CR1L: variants seen among roughly 807,000 people sequenced by gnomAD.
The protein encoded by CR1L is complement C3b/C4b receptor 1 like.
Under a neutral mutation model 62.3 loss-of-function variants are expected in CR1L, and 59 were observed. The ratio of observed to expected loss-of-function variants is 0.95; its 90% CI spans 0.77 to 1.18. CR1L has a LOEUF of 1.18. Ranked by LOEUF, CR1L falls within the 50% of genes most tolerant of loss-of-function variation. The probability of loss-of-function intolerance (pLI) is 0.00; values close to 1 mark genes in which losing one functional copy is unlikely to be tolerated. For missense variants in CR1L, 700 were observed against 702.8 expected (o/e 1.00, Z 0.04); for synonymous variants, 279 against 248.7 (o/e 1.12, Z -1.15).
At chr1:207,655,991 C>T (rs1016319977) in intron 1 of CR1L, among the ~76,000 whole-genome samples, 1 of 152,152 alleles carries the variant, frequency 6.6e-6, no homozygotes, top group Non-Finnish European at 1.5e-5. Context: ...GTAATCCCAG[C>T]TCTTTGGGAG....
chr1:207,709,282 T>G (rs1664316334), intron 10 of CR1L: 1 of 157,500 alleles, frequency 6.3e-6, no homozygotes, highest in Non-Finnish European at 1.4e-5. Context: ...CACACGCCTG[T>G]AGTCCCAACT....
chr1:207,651,255 G>C (rs959971405), intron 1 of CR1L, among the ~76,000 whole-genome samples: 1 of 149,198 alleles, frequency 6.7e-6, no homozygotes, highest in African/African-American at 2.5e-5. Flanking sequence ...GTTTTTCTGG[G>C]GGTAGGCATG....
intron 10 of CR1L, chr1:207,709,117 T>C (rs1320297440): frequency 4.0e-5 from 9 of 226,660 alleles, no homozygotes; most frequent in Admixed American, 5.3e-5. Flanking sequence ...AAAGATGTTA[T>C]ACTGGGCCAG....
Position 207,694,502 on chromosome 1 carries a change from A to G in CR1L, c.613A>G (p.Ile205Val). 1 of 1,613,802 alleles carries G rather than the reference A, an allele frequency of 6.2e-7. No individual in the cohort carries two copies. Among genetic ancestry groups the G allele is most frequent in the East Asian group, 2.2e-5 (1 of 44,890 alleles). Residue 205 changes from isoleucine to valine, a missense_variant, in exon 5 of 12, where the codon ATA becomes GTA. Coordinates refer to ENST00000508064, the MANE Select transcript of CR1L (RefSeq NM_175710.2). ...GTTTGAGCTTGTGGGTGAGCCCTCCATATACTGCACCAGCAAAGATGATCA... is the reference window on the plus strand; with the variant it reads ...GTTTGAGCTTGTGGGTGAGCCCTCCGTATACTGCACCAGCAAAGATGATCA... ...KVFELVGEPS[I>V]YCTSKDDQVG...
chr1:207,672,242 C>T (rs539429047), intron 1 of CR1L, among the ~76,000 whole-genome samples: 7 of 150,478 alleles, frequency 4.7e-5, no homozygotes, highest in Non-Finnish European at 1.0e-4. Flanking sequence ...GTGTTAATTT[C>T]AAACACAGCA....
At chr1:207,710,960 T>A in intron 10 of CR1L, 1 of 695,640 alleles carries the variant, frequency 1.4e-6, no homozygotes, top group Non-Finnish European at 2.4e-6. Flanking sequence ...TGCATATGTG[T>A]CTTCATTTTG....
intron 10 of CR1L, among the ~76,000 whole-genome samples, chr1:207,712,902 T>A (rs1050687384): frequency 5.3e-5 from 8 of 152,312 alleles, no homozygotes; most frequent in African/African-American, 1.9e-4. Flanking sequence ...AAGGACTCAG[T>A]GTGGAGAATC....
intron 1 of CR1L, among the ~76,000 whole-genome samples, chr1:207,664,508 T>C (rs1663479749): frequency 6.6e-6 from 1 of 152,214 alleles, no homozygotes; most frequent in Non-Finnish European, 1.5e-5. Context: ...ATGGTTTTTT[T>C]AGTGGACTGA....
chr1:207,716,063 G>C (rs1333752948), intron 10 of CR1L, among the ~76,000 whole-genome samples: 2 of 152,110 alleles, frequency 1.3e-5, no homozygotes, highest in East Asian at 3.8e-4. Context: ...TTAGCCTGCA[G>C]TATTGAATGA....
intron 4 of CR1L, among the ~76,000 whole-genome samples, chr1:207,685,104 A>T (rs1411453911): frequency 6.6e-6 from 1 of 152,250 alleles, no homozygotes. Flanking sequence ...AAATATTAAA[A>T]AAAATTAGTA....
At chr1:207,683,784 A>G (rs747389147) in intron 3 of CR1L, 88 bp from the exon 4 acceptor site, 17 of 1,275,950 alleles carry the variant, frequency 1.3e-5, no homozygotes, top group Non-Finnish European at 1.8e-5. Flanking sequence ...TCTGAATTCT[A>G]TAAGAGTGTA....
At chr1:207,650,069 G>A (rs1330195111) in intron 1 of CR1L, among the ~76,000 whole-genome samples, 1 of 152,108 alleles carries the variant, frequency 6.6e-6, no homozygotes, top group Non-Finnish European at 1.5e-5. Flanking sequence ...GCCTCCCTTT[G>A]TTGTTTGAGC....
intron 9 of CR1L, among the ~76,000 whole-genome samples, chr1:207,704,546 G>C (rs1452545683): frequency 6.6e-6 from 1 of 152,150 alleles, no homozygotes; most frequent in African/African-American, 2.4e-5. Flanking sequence ...TTTGTGAAAG[G>C]AAGAGTCAAT....
rs1664048779 is a variant in CR1L, at chr1:207,694,766, G to T, written c.862+15G>T. Reference sequence around the variant, plus strand: ...CTGCTCCAGGGGTGAGTCTGACTGAGGCCTAGAAGGGCCCTGCCAGTGACA... The same window carrying T: ...CTGCTCCAGGGGTGAGTCTGACTGATGCCTAGAAGGGCCCTGCCAGTGACA... On this transcript the variant is annotated intron_variant, in intron 5 of 11. Transcript: ENST00000508064. 5 of 1,611,852 alleles carry T rather than the reference G, an allele frequency of 3.1e-6. No homozygotes were observed. Among genetic ancestry groups the T allele is most frequent in the African/African-American group, 2.7e-5 (2 of 74,988 alleles).
chr1:207,723,493 T>G (rs1391683321), intron 11 of CR1L, 125 bp from the exon 12 acceptor site: 7 of 800,550 alleles, frequency 8.7e-6, no homozygotes, highest in Non-Finnish European at 1.4e-5. Flanking sequence ...ATCAATGGCT[T>G]TTTATAAAAA....
rs142672683 is a variant in CR1L at position 207,694,282 on chromosome 1, A to G, written c.464-71A>G. The G allele has an allele frequency of 6.4e-5, 99 of 1,554,992 alleles. No homozygotes were observed. In the East Asian group the frequency reaches 2.2e-3, roughly 35 times the overall value. Reference sequence around the variant, plus strand: ...AAAAGCAAATAATGAATGTAAAAATAGTTACAGTTTAGTGACTCGTGAGAT... The same window carrying G: ...AAAAGCAAATAATGAATGTAAAAATGGTTACAGTTTAGTGACTCGTGAGAT... On this transcript the variant is annotated intron_variant, in intron 4 of 11. Coordinates refer to ENST00000508064, the MANE Select transcript of CR1L (RefSeq NM_175710.2).
At chr1:207,687,397 A>G (rs1300550173) in intron 4 of CR1L, among the ~76,000 whole-genome samples, 1 of 152,214 alleles carries the variant, frequency 6.6e-6, no homozygotes, top group African/African-American at 2.4e-5. Context: ...AAGTGCACAC[A>G]TCTTAATTAT....
intron 4 of CR1L, among the ~76,000 whole-genome samples, chr1:207,692,449 T>C (rs1395496575): frequency 6.6e-6 from 1 of 152,178 alleles, no homozygotes; most frequent in African/African-American, 2.4e-5. Flanking sequence ...ATATCTGCTT[T>C]ATACAACTGC....
intron 10 of CR1L, chr1:207,709,288 C>T (rs1664316457): frequency 6.4e-6 from 1 of 156,694 alleles, no homozygotes; most frequent in Admixed American, 6.3e-5. Flanking sequence ...CCTGTAGTCC[C>T]AACTATTCGG....
Sources: gnomAD v4.1 joint callset for allele counts (sites outside exome capture counted in the v4.1 genomes callset) on GRCh38, gnomAD v4.1.1 for gene constraint, MANE v1.5 for transcripts, NCBI Gene and HGNC (gene_info 2026-07-23, HGNC 2026-07-21) for gene names.